Variants in TCF20 observed in about 807,000 individuals in gnomAD.
The protein encoded by TCF20 is transcription factor 20.
A neutral mutation model predicts 148.6 loss-of-function variants in TCF20; 3 were observed. The observed-to-expected ratio is 0.02, with a 90% CI of 0.01 to 0.05. The LOEUF (loss-of-function observed/expected upper bound fraction) is 0.05. Ranked by LOEUF, TCF20 falls within the 10% of genes least tolerant of loss-of-function variation. The pLI is 1.00. For missense variants in TCF20, 2,350 were observed against 2,429.3 expected, an observed-to-expected ratio of 0.97 and a Z score of 0.69; for synonymous variants, 1,049 against 909.5, an observed-to-expected ratio of 1.15 and a Z score of -2.76.
At chr22:42,172,195 G>A (rs566318825) in intron 3 of TCF20, among the ~76,000 whole-genome samples, 31 of 152,322 alleles carry the variant, frequency 2.0e-4, no homozygotes, top group South Asian at 1.9e-3. Context: ...TCCACAGGCC[G>A]TCAGGAAGCA....
chr22:42,198,220 T>C lies in TCF20; in HGVS notation c.5655+11431A>G, dbSNP rs2839712. On this transcript the variant is annotated intron_variant, in intron 2 of 5. Transcript: ENST00000677622. ...GTAAAAAAAGCAACACAGACTTGTA[T>C]CTACACTGTGATGATGGAGACTCAC... is the stretch of plus-strand genomic sequence containing the variant. Among the ~76,000 whole-genome samples the C allele has an allele frequency of 8.2e-3, 1,255 of 152,332 alleles. 14 individuals are homozygous for C. Among genetic ancestry groups the C allele is most frequent in the Non-Finnish European group, 0.011 (774 of 68,030 alleles).
At chr22:42,231,773 C>A (rs1205108818) in intron 1 of TCF20, among the ~76,000 whole-genome samples, 2 of 151,418 alleles carry the variant, frequency 1.3e-5, no homozygotes, top group African/African-American at 4.9e-5. Context: ...ACTAAAAATA[C>A]AAAAAATTAG....
chr22:42,214,596 G>A lies in TCF20; in HGVS notation c.710C>T (p.Ser237Phe). ...GGAGGAGGAGGAGGAGGAAGCAGAA[G>A]ACTGATAGTGTTGGCCAAACTGACC... ...RVGQFGQHYQ[S>F]SASSSSSSSF... Residue 237 changes from serine to phenylalanine, a missense_variant, in exon 2 of 6, where the codon TCT becomes TTT. This residue lies in a region of TCF20 where 1,641 missense variants were observed against 1,662.6 expected (regional missense o/e 0.99). Coordinates refer to ENST00000677622, the MANE Select transcript of TCF20 (RefSeq NM_001378418.1). 1 of 1,614,094 alleles carries A rather than the reference G, an allele frequency of 6.2e-7. No individual in the cohort carries two copies. Among genetic ancestry groups the A allele is most frequent in the Non-Finnish European group, 8.5e-7 (1 of 1,180,038 alleles).
At chr22:42,248,165 G>C (rs542275634) in intron 1 of TCF20, among the ~76,000 whole-genome samples, 22 of 152,332 alleles carry the variant, frequency 1.4e-4, no homozygotes, top group Admixed American at 2.6e-4. Flanking sequence ...GAGGGAGAGA[G>C]CACGTACTCA....
At chr22:42,199,916 TATG>T (rs1937879620) in intron 2 of TCF20, among the ~76,000 whole-genome samples, 1 of 151,706 alleles carries the variant, frequency 6.6e-6, no homozygotes. Context: ...TAGGAATAAT[TATG>T]ATGATAGCTT....
At chr22:42,176,797 C>G (rs548148252) in intron 3 of TCF20, among the ~76,000 whole-genome samples, 1 of 152,198 alleles carries the variant, frequency 6.6e-6, no homozygotes, top group East Asian at 1.9e-4. Flanking sequence ...AAAAGCTGAT[C>G]TTACGGAAGT....
At chr22:42,249,015 A>T (rs780418755) in intron 1 of TCF20, among the ~76,000 whole-genome samples, 2 of 152,180 alleles carry the variant, frequency 1.3e-5, no homozygotes, top group Non-Finnish European at 2.9e-5. Context: ...AGAGCCCTCT[A>T]TGTTGGTGGG....
At chr22:42,248,328 G>A (rs1019709543) in intron 1 of TCF20, among the ~76,000 whole-genome samples, 1 of 152,192 alleles carries the variant, frequency 6.6e-6, no homozygotes, top group African/African-American at 2.4e-5. Context: ...TGCCAGCCCT[G>A]GCTCTATCAC....
intron 3 of TCF20, 131 bp from the exon 4 acceptor site, chr22:42,170,027 T>C (rs1431860183): frequency 7.7e-6 from 6 of 780,554 alleles, no homozygotes; most frequent in East Asian, 2.5e-5. Context: ...AGGAAAACAT[T>C]AGAGACAACC....
intron 2 of TCF20, among the ~76,000 whole-genome samples, chr22:42,185,065 C>T (rs1165612787): frequency 6.6e-6 from 1 of 152,216 alleles, no homozygotes; most frequent in Non-Finnish European, 1.5e-5. Context: ...TGCTCATTCA[C>T]AGAAAGGCTC....
chr22:42,276,760 G>A (rs1926789305), intron 1 of TCF20: 1 of 152,128 alleles, frequency 6.6e-6, no homozygotes, highest in Admixed American at 6.5e-5. Context: ...CGCCGTGTGA[G>A]GTTCCTCATC....
At chr22:42,287,789 G>C (rs886356065), upstream of TCF20, among the ~76,000 whole-genome samples, 5 of 152,158 alleles carry the variant, frequency 3.3e-5, no homozygotes, top group African/African-American at 1.2e-4. Flanking sequence ...GCATGGGAAA[G>C]GGGGAGTAAA....
chr22:42,249,987 T>C (rs1925230972), intron 1 of TCF20, among the ~76,000 whole-genome samples: 1 of 152,042 alleles, frequency 6.6e-6, no homozygotes, highest in Non-Finnish European at 1.5e-5. Flanking sequence ...CCAGGTGTGG[T>C]GGAGCACCTG....
intron 5 of TCF20, among the ~76,000 whole-genome samples, chr22:42,161,573 A>C (rs1258216264): frequency 6.6e-6 from 1 of 152,122 alleles, no homozygotes; most frequent in Non-Finnish European, 1.5e-5. Context: ...GCAATGACCT[A>C]GTGGGGGTGC....
At chr22:42,176,491 C>T (rs1185805713) in intron 3 of TCF20, among the ~76,000 whole-genome samples, 4 of 152,184 alleles carry the variant, frequency 2.6e-5, no homozygotes, top group Non-Finnish European at 4.4e-5. Flanking sequence ...TCTTCCCCTT[C>T]CCATCAAATT....
chr22:42,253,879 C>G (rs1925570267), intron 1 of TCF20, among the ~76,000 whole-genome samples: 1 of 151,998 alleles, frequency 6.6e-6, no homozygotes, highest in Non-Finnish European at 1.5e-5. Flanking sequence ...GAGTTTGAGA[C>G]CAGCCTGACC....
At chr22:42,264,841 T>A (rs910257656) in intron 1 of TCF20, among the ~76,000 whole-genome samples, 2 of 152,264 alleles carry the variant, frequency 1.3e-5, no homozygotes, top group African/African-American at 4.8e-5. Flanking sequence ...TAAATACTTG[T>A]TAATGCAAAT....
chr22:42,203,938 A>T (rs909839331), intron 2 of TCF20, among the ~76,000 whole-genome samples: 1 of 152,186 alleles, frequency 6.6e-6, no homozygotes, highest in African/African-American at 2.4e-5. Context: ...GGAAATGACC[A>T]CCTTCAAGGA....
chr22:42,209,779 G>C lies in TCF20; in HGVS notation c.5527C>G (p.Pro1843Ala). ...TCATTGCTGTCAAGAGGTAGTTCAG[G>C]GATTTGTAACTCCAGCTCAGGGCCA... ...EGGPELELQIPELPLDSNEFW... is the reference protein window; with the variant it reads ...EGGPELELQIAELPLDSNEFW... Residue 1843 changes from proline (P) to alanine (A), a missense_variant, in exon 2 of 6, where the codon CCT (proline) becomes GCT (alanine). Pro to Ala is a conservative substitution (Grantham distance 27). Transcript: ENST00000677622. 1.9e-6 allele frequency: 3 copies of C among 1,614,162 alleles called. No homozygotes were observed. The highest frequency in any genetic ancestry group is 2.5e-6 in the Non-Finnish European group (3 of 1,180,042).
Sources: allele counts gnomAD v4.1 joint callset (sites outside exome capture counted in the v4.1 genomes callset), GRCh38; gene constraint gnomAD v4.1.1; regional missense constraint gnomAD v4.1.1; transcripts MANE v1.5; gene names NCBI Gene and HGNC (gene_info 2026-07-23, HGNC 2026-07-21).